ADGRV1: variants seen among roughly 807,000 people sequenced by gnomAD.
ADGRV1 encodes G-protein coupled receptor 98.
In ADGRV1, 359 loss-of-function variants were observed where a neutral mutation model predicts 596.2. The ratio of observed to expected loss-of-function variants is 0.60; its 90% CI spans 0.55 to 0.66. The LOEUF (loss-of-function observed/expected upper bound fraction) is 0.66. ADGRV1 is among the 30% of genes least tolerant of loss of function. The pLI is 0.00. For synonymous variants in ADGRV1, 2,681 were observed against 2,679.2 expected (o/e 1.00, Z -0.02); for missense variants, 7,274 against 7,575.6 (o/e 0.96, Z 1.48).
chr5:90,777,300 A>G (rs988102347), intron 61 of ADGRV1, among the ~76,000 whole-genome samples: 4 of 152,144 alleles, frequency 2.6e-5, no homozygotes, highest in African/African-American at 9.7e-5. Context: ...ACCTCCCACC[A>G]GGCCCCACCT....
At chr5:91,158,952 T>A (rs1329639939) in intron 89 of ADGRV1, among the ~76,000 whole-genome samples, 2 of 152,170 alleles carry the variant, frequency 1.3e-5, no homozygotes, top group African/African-American at 2.4e-5. Context: ...TAGCCACTGA[T>A]ACTATCTCCT....
At chr5:90,615,075 T>G in intron 2 of ADGRV1, 56 bp downstream of exon 2, 2 of 1,149,464 alleles carry the variant, frequency 1.7e-6, no homozygotes, top group Non-Finnish European at 2.4e-6. Context: ...TTTCTTAGTT[T>G]TAATGGCAAG....
chr5:90,720,284 A>G, intron 44 of ADGRV1, 61 bp downstream of exon 44: 1 of 1,075,918 alleles, frequency 9.3e-7, no homozygotes, highest in Non-Finnish European at 1.3e-6. Context: ...ATATTTTTTG[A>G]CATAAGAAAA....
At chr5:90,597,845 G>A (rs1580400744) in intron 1 of ADGRV1, among the ~76,000 whole-genome samples, 1 of 152,280 alleles carries the variant, frequency 6.6e-6, no homozygotes, top group East Asian at 1.9e-4. Flanking sequence ...TTAGAGAAGA[G>A]TATGCATGTT....
rs7729495 is a variant in ADGRV1 at position 90,807,670 on chromosome 5, T to C, written c.14905T>C (p.Trp4969Arg). The C allele has an allele frequency of 8.9e-3, 14,294 of 1,612,550 alleles. 1,125 individuals are homozygous for C. The African/African-American group carries it at 0.17, about 19-fold the overall frequency. Residue 4969 changes from tryptophan (W) to arginine (R), a missense_variant, in exon 73 of 90, where the codon TGG becomes CGG. By Grantham distance (101) the Trp-to-Arg change is moderately radical. Coordinates refer to ENST00000405460, the MANE Select transcript of ADGRV1 (RefSeq NM_032119.4). Reference sequence around the variant, plus strand: ...CCTGTGGACGTTTCCTAGCCCTGGTTGGCCAGAGGCCTTTGTTCTTCACCT... The same window carrying C: ...CCTGTGGACGTTTCCTAGCCCTGGTCGGCCAGAGGCCTTTGTTCTTCACCT... ...VFLWTFPSPG[W>R]PEAFVLHLSG...
intron 34 of ADGRV1, among the ~76,000 whole-genome samples, chr5:90,700,132 T>C (rs1190127424): frequency 6.6e-6 from 1 of 152,164 alleles, no homozygotes; most frequent in Admixed American, 6.5e-5. Flanking sequence ...ACCATGAAAA[T>C]TGCACAGAGA....
chr5:91,072,219 T>C (rs1330831743), intron 85 of ADGRV1, among the ~76,000 whole-genome samples: 2 of 152,316 alleles, frequency 1.3e-5, no homozygotes, highest in East Asian at 1.9e-4. Context: ...TGAAGTTTTC[T>C]GAACTTTACA....
rs1758543915 is a variant in ADGRV1, at chr5:90,778,851, T to C, written c.12850-14T>C. The C allele has an allele frequency of 3.1e-6, 5 of 1,589,658 alleles. No homozygotes were observed. Among genetic ancestry groups the C allele is most frequent in the Non-Finnish European group, 4.3e-6 (5 of 1,162,406 alleles). On this transcript the variant is annotated splice_polypyrimidine_tract_variant and intron_variant, in intron 63 of 89. Coordinates refer to ENST00000405460, the MANE Select transcript of ADGRV1 (RefSeq NM_032119.4). Reference sequence around the variant, plus strand: ...TAAACATCCAAATCAAATAAGAAAATGCATTTTGCATAGGTTAACATCACA... The same window carrying C: ...TAAACATCCAAATCAAATAAGAAAACGCATTTTGCATAGGTTAACATCACA...
intron 85 of ADGRV1, among the ~76,000 whole-genome samples, chr5:90,995,260 T>A (rs916071978): frequency 7.9e-5 from 12 of 152,176 alleles, no homozygotes; most frequent in Non-Finnish European, 1.6e-4. Context: ...AAGGAATAGA[T>A]TTTTTGCATT....
intron 45 of ADGRV1, among the ~76,000 whole-genome samples, chr5:90,722,938 A>G (rs982886342): frequency 6.6e-6 from 1 of 152,018 alleles, no homozygotes; most frequent in Non-Finnish European, 1.5e-5. Context: ...TGGCCTAGCA[A>G]AGGAGACTTA....
intron 1 of ADGRV1, among the ~76,000 whole-genome samples, chr5:90,567,973 A>G (rs1315766166): frequency 6.6e-6 from 1 of 152,022 alleles, no homozygotes; most frequent in Non-Finnish European, 1.5e-5. Context: ...CCTGACCTCA[A>G]GTGATCCACC....
intron 83 of ADGRV1, chr5:90,931,195 T>C (rs1775218859): frequency 6.6e-6 from 1 of 152,158 alleles, no homozygotes; most frequent in Non-Finnish European, 1.5e-5. Flanking sequence ...AGAAAGAGAA[T>C]GAAACAGCAG....
intron 20 of ADGRV1, chr5:90,654,315 G>A (rs1769085588): frequency 7.7e-6 from 2 of 261,412 alleles, no homozygotes; most frequent in Non-Finnish European, 1.5e-5. Context: ...AATGAACAAA[G>A]GAATAGAAAT....
chr5:91,144,371 A>T (rs1161960799), intron 87 of ADGRV1, among the ~76,000 whole-genome samples: 1 of 152,182 alleles, frequency 6.6e-6, no homozygotes, highest in African/African-American at 2.4e-5. Context: ...AGTGATGCAA[A>T]CATGGCTCAC....
chr5:90,704,918 C>T (rs1421700096), intron 36 of ADGRV1, among the ~76,000 whole-genome samples: 1 of 152,028 alleles, frequency 6.6e-6, no homozygotes, highest in African/African-American at 2.4e-5. Flanking sequence ...TCAAGCGATT[C>T]TCCTGCCTCA....
At chr5:91,028,583 C>A (rs1008383116) in intron 85 of ADGRV1, among the ~76,000 whole-genome samples, 4 of 152,054 alleles carry the variant, frequency 2.6e-5, no homozygotes, top group African/African-American at 9.7e-5. Context: ...CTAGATCTAT[C>A]CTAGTCATGC....
chr5:90,818,941 G>A (rs1373146369), intron 75 of ADGRV1, among the ~76,000 whole-genome samples: 6 of 151,532 alleles, frequency 4.0e-5, no homozygotes, highest in East Asian at 1.9e-4. Flanking sequence ...AAATGAGTTA[G>A]GGAGGATTCC....
At chr5:90,733,030 A>T (rs1429981993) in intron 50 of ADGRV1, among the ~76,000 whole-genome samples, 2 of 152,232 alleles carry the variant, frequency 1.3e-5, no homozygotes, top group African/African-American at 4.8e-5. Context: ...GGTGTATAGA[A>T]TATGCTGGAT....
chr5:90,971,849 C>T (rs879094017), intron 84 of ADGRV1, among the ~76,000 whole-genome samples: 1 of 152,150 alleles, frequency 6.6e-6, no homozygotes, highest in Admixed American at 6.5e-5. Flanking sequence ...TCACACATAA[C>T]AATATTAACC....
Sources: allele counts gnomAD v4.1 joint callset (sites outside exome capture counted in the v4.1 genomes callset), GRCh38; gene constraint gnomAD v4.1.1; transcripts MANE v1.5; gene names NCBI Gene and HGNC (gene_info 2026-07-23, HGNC 2026-07-21).